TBCK: variants seen among roughly 807,000 people sequenced by gnomAD.
The protein encoded by TBCK is TBC domain-containing protein kinase-like protein.
TBCK carries 99 observed loss-of-function variants against 113.4 expected under a neutral mutation model. That is an observed-to-expected ratio of 0.87 (90% CI 0.74 to 1.03). The LOEUF (loss-of-function observed/expected upper bound fraction) is 1.03, where lower values mean the gene tolerates loss of function less well. Ranked by LOEUF, TBCK falls within the 50% of genes least tolerant of loss-of-function variation. The probability of loss-of-function intolerance (pLI) is 0.00; values close to 1 mark genes in which losing one functional copy is unlikely to be tolerated. For synonymous variants in TBCK, 369 were observed against 370.8 expected (o/e 1.00, Z 0.05); for missense variants, 1,045 against 1,061.3 (o/e 0.98, Z 0.21).
intron 23 of TBCK, among the ~76,000 whole-genome samples, chr4:106,123,812 A>C (rs1471942719): frequency 4.0e-5 from 6 of 149,424 alleles, no homozygotes; most frequent in Admixed American, 1.3e-4. Context: ...AGAAAGCTGA[A>C]ACTGGATCCC....
At chr4:106,314,835 G>C (rs1433901495) in intron 1 of TBCK, among the ~76,000 whole-genome samples, 1 of 151,664 alleles carries the variant, frequency 6.6e-6, no homozygotes, top group Non-Finnish European at 1.5e-5. Flanking sequence ...ATCCTGGCCA[G>C]GCTGGTCTTG....
At chr4:106,113,509 C>T (rs1443626050) in intron 24 of TBCK, among the ~76,000 whole-genome samples, 5 of 152,144 alleles carry the variant, frequency 3.3e-5, no homozygotes, top group Admixed American at 3.3e-4. Context: ...GAATTGTTAA[C>T]ATGTGGGAGA....
chr4:106,251,531 C>T (rs2150064782), intron 6 of TBCK, among the ~76,000 whole-genome samples: 1 of 151,890 alleles, frequency 6.6e-6, no homozygotes, highest in African/African-American at 2.4e-5. Context: ...ACGTAGTTTT[C>T]ATTTCAATAT....
chr4:106,233,157 G>A, intron 16 of TBCK, 93 bp from the exon 17 acceptor site: 1 of 1,233,912 alleles, frequency 8.1e-7, no homozygotes, highest in East Asian at 2.5e-5. Flanking sequence ...AAAAGGAGAA[G>A]CTATAATATG....
intron 5 of TBCK, among the ~76,000 whole-genome samples, chr4:106,252,388 AGT>A (rs1489414166): frequency 2.2e-4 from 25 of 112,498 alleles, no homozygotes; most frequent in Admixed American, 7.5e-4. Flanking sequence ...ATTTATTTTT[AGT>A]AGTAAGAATG....
At chr4:106,246,894 AGGCTGGTCTCAAAT>A (rs147034696) in intron 10 of TBCK, among the ~76,000 whole-genome samples, 6,853 of 152,150 alleles carry the variant, frequency 0.045, 517 homozygotes, top group African/African-American at 0.15. Context: ...TACGTTGACC[AGGCTGGTCTCAAAT>A]GGCTGGCCTC....
chr4:106,303,553 C>T (rs1381969014), intron 2 of TBCK, among the ~76,000 whole-genome samples: 1 of 152,216 alleles, frequency 6.6e-6, no homozygotes, highest in South Asian at 2.1e-4. Context: ...AAATAATCTT[C>T]AAAGCCCTTC....
In TBCK at chr4:106,242,483, C is replaced by G. The variant is rs1327277115; in HGVS notation, c.1157G>C (p.Cys386Ser). The G allele has an allele frequency of 1.9e-6, 3 of 1,602,134 alleles. No homozygotes were observed. The highest frequency in any genetic ancestry group is 2.6e-6 in the Non-Finnish European group (3 of 1,174,702). The change falls in exon 12 of 26, where the codon TGC (cysteine) becomes TCC (serine). Residue 386 changes from cysteine (C) to serine (S), a missense_variant. Transcript: ENST00000394708. ...LDDTTVTLSL[C>S]QLRNRLKDVG... is the part of the protein sequence containing the mutation. Reference sequence around the variant, plus strand: ...TATCTTTCTTACATTTCTTAGCTGGCATAACGACAATGTCACAGTGGTATC... The same window carrying G: ...TATCTTTCTTACATTTCTTAGCTGGGATAACGACAATGTCACAGTGGTATC...
At chr4:106,055,881 A>G (rs536507753) in intron 25 of TBCK, among the ~76,000 whole-genome samples, 1 of 151,668 alleles carries the variant, frequency 6.6e-6, no homozygotes, top group Admixed American at 6.6e-5. Context: ...TATCACCTGG[A>G]ATTTGTCTTT....
intron 22 of TBCK, among the ~76,000 whole-genome samples, chr4:106,181,458 A>C (rs1311267159): frequency 6.6e-6 from 1 of 152,104 alleles, no homozygotes; most frequent in Admixed American, 6.6e-5. Flanking sequence ...CTATGTCCTG[A>C]ATGGTATTGC....
At chr4:106,224,795 T>C (rs1038473190) in intron 19 of TBCK, among the ~76,000 whole-genome samples, 1 of 152,154 alleles carries the variant, frequency 6.6e-6, no homozygotes, top group African/African-American at 2.4e-5. Flanking sequence ...CTCTTCTTTG[T>C]TCCCTGTCCT....
intron 1 of TBCK, chr4:106,309,821 T>C (rs1178118721): frequency 2.0e-5 from 3 of 152,228 alleles, no homozygotes; most frequent in South Asian, 2.1e-4. Flanking sequence ...TTTTACATAA[T>C]GTATGATCTG....
chr4:106,233,382 T>C (rs965784864), intron 16 of TBCK, among the ~76,000 whole-genome samples: 1 of 152,056 alleles, frequency 6.6e-6, no homozygotes, highest in Non-Finnish European at 1.5e-5. Context: ...AACTACAGTA[T>C]TTTTAAAAAG....
chr4:106,069,310 T>C (rs113452663), intron 25 of TBCK, among the ~76,000 whole-genome samples: 6,274 of 152,300 alleles, frequency 0.041, 434 homozygotes, highest in African/African-American at 0.14. Flanking sequence ...CCATCTGGAA[T>C]TAATTTTTGT....
At chr4:106,049,742 G>C (rs868408864) in intron 25 of TBCK, among the ~76,000 whole-genome samples, 4 of 151,944 alleles carry the variant, frequency 2.6e-5, no homozygotes, top group Admixed American at 6.6e-5. Flanking sequence ...CTTGGTGGGG[G>C]TGGCAGGATA....
intron 3 of TBCK, among the ~76,000 whole-genome samples, chr4:106,288,968 T>G (rs1428308634): frequency 6.6e-6 from 1 of 152,222 alleles, no homozygotes; most frequent in East Asian, 1.9e-4. Context: ...AAGTCCCATC[T>G]ACAACATAGC....
chr4:106,260,379 G>T, intron 5 of TBCK, 58 bp downstream of exon 5: 2 of 683,288 alleles, frequency 2.9e-6, no homozygotes, highest in African/African-American at 1.9e-5. Context: ...AAATATACAT[G>T]TTATCAAAGA....
At chr4:106,120,083 C>T (rs554328735) in intron 23 of TBCK, among the ~76,000 whole-genome samples, 1 of 152,154 alleles carries the variant, frequency 6.6e-6, no homozygotes, top group South Asian at 2.1e-4. Context: ...GAGTGCCAGA[C>T]AGTGGGCGCA....
Position 106,272,578 on chromosome 4 carries a change from G to A in TBCK, c.267-10366C>T, listed in dbSNP as rs376010965. Among the ~76,000 whole-genome samples, 10 of 146,516 alleles carry A rather than the reference G, an allele frequency of 6.8e-5. No individual in the cohort carries two copies. The East Asian group carries it at 1.6e-3, about 23-fold the overall frequency. ...GCGATCTTGGCTCACTGCAAGCTCC[G>A]TCTCCCAGGTTCATGCCATTCTCCT... On this transcript the variant is annotated intron_variant, in intron 3 of 25. Coordinates refer to ENST00000394708, the MANE Select transcript of TBCK (RefSeq NM_001163435.3).
Sources: allele counts gnomAD v4.1 joint callset (sites outside exome capture counted in the v4.1 genomes callset), GRCh38; gene constraint gnomAD v4.1.1; transcripts MANE v1.5; gene names NCBI Gene and HGNC (gene_info 2026-07-23, HGNC 2026-07-21).